Variants in PTPRQ observed in about 807,000 individuals in gnomAD.
The protein encoded by PTPRQ is protein tyrosine phosphatase receptor type Q.
In PTPRQ, 199 loss-of-function variants were observed where a neutral mutation model predicts 246.0. The ratio of observed to expected loss-of-function variants is 0.81; its 90% CI spans 0.72 to 0.91. PTPRQ has a LOEUF of 0.91. Among genes scored for constraint, PTPRQ ranks in the 40% least tolerant of loss-of-function variants. PTPRQ has a pLI of 0.00. For synonymous variants in PTPRQ, 869 were observed against 853.2 expected (o/e 1.02, Z -0.32); for missense variants, 2,624 against 2,528.4 (o/e 1.04, Z -0.81).
intron 39 of PTPRQ, among the ~76,000 whole-genome samples, chr12:80,665,247 C>A (rs1019296282): frequency 6.6e-6 from 1 of 152,024 alleles, no homozygotes; most frequent in Non-Finnish European, 1.5e-5. Context: ...AGTCCACTGA[C>A]TCAAATGTTA....
chr12:80,600,476 A>G (rs989987280), intron 26 of PTPRQ, among the ~76,000 whole-genome samples: 1 of 151,826 alleles, frequency 6.6e-6, no homozygotes, highest in Non-Finnish European at 1.5e-5. Context: ...AGAAGCCATT[A>G]TAGAGCAGAG....
intron 25 of PTPRQ, among the ~76,000 whole-genome samples, chr12:80,584,969 G>T (rs17006938): frequency 0.068 from 10,369 of 151,450 alleles, 434 homozygotes; most frequent in East Asian, 0.14. Flanking sequence ...TAAATAGTGT[G>T]CCAGTTTTGG....
At chr12:80,569,129 C>CTTTTTTTTTT (rs778431539) in intron 25 of PTPRQ, among the ~76,000 whole-genome samples, 4 of 97,606 alleles carry the variant, frequency 4.1e-5, no homozygotes, top group Non-Finnish European at 6.7e-5. Context: ...GGATACAATT[C>CTTTTTTTTTT]TTTTTTTTTT....
intron 2 of PTPRQ, among the ~76,000 whole-genome samples, 180 bp from the exon 3 acceptor site, chr12:80,445,311 A>G (rs1892518251): frequency 6.6e-6 from 1 of 151,962 alleles, no homozygotes; most frequent in African/African-American, 2.4e-5. Context: ...ATTCTTATAA[A>G]GGAATGCTTT....
At chr12:80,558,969 A>G (rs1038090849) in intron 25 of PTPRQ, among the ~76,000 whole-genome samples, 1 of 152,176 alleles carries the variant, frequency 6.6e-6, no homozygotes, top group Non-Finnish European at 1.5e-5. Context: ...CATTTTTAAT[A>G]CATTCTAGCT....
intron 16 of PTPRQ, among the ~76,000 whole-genome samples, chr12:80,508,256 T>G (rs947083591): frequency 3.9e-5 from 6 of 152,054 alleles, no homozygotes; most frequent in Non-Finnish European, 8.8e-5. Flanking sequence ...AACATTTGCC[T>G]CTTTGGGAAT....
chr12:80,658,930 C>T (rs965082725), intron 39 of PTPRQ, among the ~76,000 whole-genome samples: 6 of 151,976 alleles, frequency 3.9e-5, no homozygotes, highest in African/African-American at 7.2e-5. Flanking sequence ...CTTTCTCCAA[C>T]GTCAAACATA....
chr12:80,549,910 A>C (rs1300411005), intron 25 of PTPRQ, among the ~76,000 whole-genome samples, 176 bp downstream of exon 25: 1 of 152,072 alleles, frequency 6.6e-6, no homozygotes. Context: ...TACTACATTG[A>C]CCCTTCTCCA....
At position 80,466,407 on chromosome 12, in the gene PTPRQ, A is replaced by G. The variant is rs867348331; in HGVS notation, c.911-2303A>G. Among the ~76,000 whole-genome samples, 82 of 152,224 alleles carry G rather than the reference A, an allele frequency of 5.4e-4. 1 individual carries two copies. Among genetic ancestry groups the G allele is most frequent in the Admixed American group, 5.9e-4 (9 of 15,276 alleles). On this transcript the variant is annotated intron_variant, in intron 6 of 44. Transcript: ENST00000644991. ...CCATGCTCATGGGTAGGAAGAATCA[A>G]TATCATGAAAATGGCCACACTGCCC... is the stretch of plus-strand genomic sequence containing the variant.
intron 41 of PTPRQ, among the ~76,000 whole-genome samples, chr12:80,669,896 T>A (rs995801181): frequency 2.0e-5 from 3 of 152,088 alleles, no homozygotes; most frequent in Admixed American, 6.6e-5. Context: ...CTTTATGAGA[T>A]CTTTATGGGA....
chr12:80,453,185 C>T (rs998032341), intron 3 of PTPRQ, among the ~76,000 whole-genome samples: 4 of 152,172 alleles, frequency 2.6e-5, no homozygotes, highest in East Asian at 3.8e-4. Flanking sequence ...GCATTCTTCA[C>T]GTAGTTTTCG....
chr12:80,525,395 T>C (rs1401924538), intron 17 of PTPRQ, among the ~76,000 whole-genome samples: 1 of 152,138 alleles, frequency 6.6e-6, no homozygotes, highest in Non-Finnish European at 1.5e-5. Context: ...AGAAGCTTGA[T>C]GTGGTCAACA....
intron 39 of PTPRQ, among the ~76,000 whole-genome samples, chr12:80,668,144 G>C (rs190464471): frequency 6.6e-6 from 1 of 151,864 alleles, no homozygotes; most frequent in South Asian, 2.1e-4. Context: ...GCATCTTCCT[G>C]TTTGAAATAG....
chr12:80,477,221 GA>G (rs141249342), intron 8 of PTPRQ, among the ~76,000 whole-genome samples: 3,001 of 152,084 alleles, frequency 0.02, 97 homozygotes, highest in African/African-American at 0.067. Context: ...TAAAATATCA[GA>G]AAAAAATCAA....
At chr12:80,509,802 TTGA>T (rs1257663983) in intron 16 of PTPRQ, among the ~76,000 whole-genome samples, 1 of 152,112 alleles carries the variant, frequency 6.6e-6, no homozygotes, top group Non-Finnish European at 1.5e-5. Context: ...TGAACAGAGT[TTGA>T]TATTATTTTA....
At chr12:80,668,938 A>C in intron 39 of PTPRQ, 69 bp from the exon 40 acceptor site, 1 of 1,456,744 alleles carries the variant, frequency 6.9e-7, no homozygotes, top group East Asian at 2.5e-5. Flanking sequence ...TGTTTCATGC[A>C]TTGATCGAAA....
At chr12:80,523,627 G>C (rs1304958108) in intron 17 of PTPRQ, among the ~76,000 whole-genome samples, 10 of 152,186 alleles carry the variant, frequency 6.6e-5, no homozygotes, top group Non-Finnish European at 1.5e-4. Flanking sequence ...TATGTACCCA[G>C]TAGTCATTCA....
chr12:80,497,773 T>G (rs892208238), intron 14 of PTPRQ, among the ~76,000 whole-genome samples: 1 of 152,136 alleles, frequency 6.6e-6, no homozygotes, highest in Admixed American at 6.6e-5. Context: ...AAAGTTACTA[T>G]TTTAATTGTA....
chr12:80,643,421 A>G (rs1306643094), intron 35 of PTPRQ, among the ~76,000 whole-genome samples: 1 of 150,794 alleles, frequency 6.6e-6, no homozygotes, highest in Non-Finnish European at 1.5e-5. Context: ...CTGGGCAACA[A>G]TCGTGAAATC....
Sources: gnomAD v4.1 joint callset for allele counts (sites outside exome capture counted in the v4.1 genomes callset) on GRCh38, gnomAD v4.1.1 for gene constraint, MANE v1.5 for transcripts, NCBI Gene and HGNC (gene_info 2026-07-23, HGNC 2026-07-21) for gene names.